Variants in EXOC4 observed in about 807,000 individuals in gnomAD.
EXOC4 encodes exocyst complex component 4, also known as SEC8-like 1.
A neutral mutation model predicts 107.2 loss-of-function variants in EXOC4; 71 were observed. The ratio of observed to expected loss-of-function variants is 0.66; its 90% CI spans 0.55 to 0.81. EXOC4 has a LOEUF of 0.81. Ranked by LOEUF, EXOC4 falls within the 30% of genes least tolerant of loss-of-function variation. The pLI is 0.00. For synonymous variants in EXOC4, 456 were observed against 441.2 expected (o/e 1.03, Z -0.42); for missense variants, 1,108 against 1,189.6 (o/e 0.93, Z 1.01).
chr7:133,481,111 A>G (rs1316310010), intron 9 of EXOC4: 1 of 151,954 alleles, frequency 6.6e-6, no homozygotes, highest in Non-Finnish European at 1.5e-5. Flanking sequence ...AGTGTAAGAC[A>G]TCTTAGGTGT....
intron 10 of EXOC4, among the ~76,000 whole-genome samples, chr7:133,646,060 T>C (rs1224076880): frequency 2.0e-5 from 3 of 149,994 alleles, no homozygotes; most frequent in African/African-American, 7.3e-5. Flanking sequence ...CCAAACAGCA[T>C]ACATATCAGA....
At chr7:133,915,711 G>T (rs1799794359) in intron 12 of EXOC4, among the ~76,000 whole-genome samples, 1 of 152,064 alleles carries the variant, frequency 6.6e-6, no homozygotes, top group Non-Finnish European at 1.5e-5. Context: ...TAGATTGTTG[G>T]ATTAGTCCAT....
chr7:133,783,624 C>T (rs1475579023), intron 10 of EXOC4, among the ~76,000 whole-genome samples: 5 of 152,162 alleles, frequency 3.3e-5, no homozygotes, highest in African/African-American at 1.2e-4. Context: ...ATTCGGTGAA[C>T]TGTGTGGAGA....
intron 11 of EXOC4, among the ~76,000 whole-genome samples, chr7:133,879,269 G>GT (rs1312857943): frequency 6.6e-6 from 1 of 151,496 alleles, no homozygotes; most frequent in African/African-American, 2.4e-5. Context: ...TAATTTTTCT[G>GT]TTTTTTGTAG....
At chr7:133,957,689 A>T (rs1277218256) in intron 14 of EXOC4, among the ~76,000 whole-genome samples, 4 of 152,232 alleles carry the variant, frequency 2.6e-5, no homozygotes, top group Non-Finnish European at 5.9e-5. Flanking sequence ...AGGCTTCATT[A>T]TCAGGAGCTT....
chr7:133,514,350 G>C (rs1045633914), intron 9 of EXOC4, among the ~76,000 whole-genome samples: 2 of 152,210 alleles, frequency 1.3e-5, no homozygotes. Flanking sequence ...TTTTAGTAGA[G>C]ACGGAGTTTC....
intron 9 of EXOC4, chr7:133,576,642 T>C: frequency 7.8e-7 from 1 of 1,289,740 alleles, no homozygotes; most frequent in Non-Finnish European, 1.0e-6. Context: ...AAATGTGATC[T>C]CACTCAGTTG....
the EXOC4 span, among the ~76,000 whole-genome samples, chr7:134,079,919 C>G: frequency 6.6e-6 from 1 of 152,212 alleles, no homozygotes; most frequent in African/African-American, 2.4e-5. Context: ...ACCCCGGATG[C>G]TAGTCCAAAC....
At chr7:134,100,084 T>TA in the EXOC4 span, among the ~76,000 whole-genome samples, 107 of 152,078 alleles carry the variant, frequency 7.0e-4, 1 homozygote, top group Middle Eastern at 3.4e-3. Flanking sequence ...ACATAAAACT[T>TA]AAAAAAAATA....
At chr7:133,698,001 G>A (rs2909226) in intron 10 of EXOC4, among the ~76,000 whole-genome samples, 150,222 of 152,302 alleles carry the variant, frequency 0.99, 74,132 homozygotes, top group Middle Eastern at 1. Context: ...CACCAGCTCT[G>A]CTGTAAAACC....
chr7:133,823,912 A>T (rs748755), intron 11 of EXOC4, among the ~76,000 whole-genome samples: 848 of 19,138 alleles, frequency 0.044, 17 homozygotes, highest in African/African-American at 0.12. Flanking sequence ...TATATATATA[A>T]ATATATATAT....
chr7:133,878,501 G>A (rs1281314093), intron 11 of EXOC4, among the ~76,000 whole-genome samples: 1 of 152,152 alleles, frequency 6.6e-6, no homozygotes, highest in African/African-American at 2.4e-5. Flanking sequence ...ATCATAGATG[G>A]TGTTATATTC....
At position 133,624,928 on chromosome 7, in the gene EXOC4, G is replaced by A. The variant is rs142028590; in HGVS notation, c.1418-5117G>A. Among the ~76,000 whole-genome samples, 892 of 151,662 alleles carry A rather than the reference G, an allele frequency of 5.9e-3. 3 individuals carry two copies. Among genetic ancestry groups the A allele is most frequent in the Non-Finnish European group, 9.8e-3 (664 of 67,906 alleles). On this transcript the variant is annotated intron_variant, in intron 9 of 17. Coordinates refer to ENST00000253861, the MANE Select transcript of EXOC4 (RefSeq NM_021807.4). ...TCTTATAAAAAAAAAAAGAGTAGGG[G>A]GAATGATGGCTAACACTATCTAATG... is the stretch of plus-strand genomic sequence containing the variant.
At chr7:133,844,351 T>C (rs931873644) in intron 11 of EXOC4, among the ~76,000 whole-genome samples, 7 of 151,164 alleles carry the variant, frequency 4.6e-5, no homozygotes, top group African/African-American at 1.7e-4. Flanking sequence ...ACCCAACCAA[T>C]TTAATTTCTT....
chr7:133,988,190 A>G (rs1794161770), intron 14 of EXOC4, among the ~76,000 whole-genome samples: 2 of 152,218 alleles, frequency 1.3e-5, no homozygotes, highest in Non-Finnish European at 2.9e-5. Flanking sequence ...AGCATGATTT[A>G]TAGGGAAAGA....
intron 10 of EXOC4, among the ~76,000 whole-genome samples, chr7:133,641,983 T>G (rs1378556156): frequency 1.3e-5 from 2 of 152,236 alleles, no homozygotes; most frequent in Non-Finnish European, 2.9e-5. Context: ...CTCTGAACGT[T>G]GGAGGTCTGT....
the EXOC4 span, among the ~76,000 whole-genome samples, chr7:134,098,659 C>A: frequency 2.0e-5 from 3 of 152,306 alleles, no homozygotes; most frequent in East Asian, 5.8e-4. Context: ...CAGCTATCTT[C>A]AGAACTCTAC....
At chr7:133,844,378 CTTTTTT>C (rs761535651) in intron 11 of EXOC4, among the ~76,000 whole-genome samples, 7 of 83,344 alleles carry the variant, frequency 8.4e-5, no homozygotes, top group African/African-American at 4.0e-4. Context: ...CCACATATTC[CTTTTTT>C]TTTTTTTTTT....
At chr7:133,324,065 T>A (rs573082464) in intron 5 of EXOC4, among the ~76,000 whole-genome samples, 2 of 152,322 alleles carry the variant, frequency 1.3e-5, no homozygotes, top group East Asian at 3.9e-4. Flanking sequence ...ATATCCCCTT[T>A]GTCATTTTTT....
Sources: allele counts gnomAD v4.1 joint callset (sites outside exome capture counted in the v4.1 genomes callset), GRCh38; gene constraint gnomAD v4.1.1; transcripts MANE v1.5; gene names NCBI Gene and HGNC (gene_info 2026-07-23, HGNC 2026-07-21).